Variants in MEI4 observed in about 807,000 individuals in gnomAD.
MEI4 encodes meiotic double-stranded break formation protein 4.
A neutral mutation model predicts 31.4 loss-of-function variants in MEI4; 27 were observed. That is an observed-to-expected ratio of 0.86 (90% CI 0.63 to 1.19). MEI4 has a LOEUF of 1.19. Among genes scored for constraint, MEI4 ranks in the 50% most tolerant of loss-of-function variants. The pLI, the probability that MEI4 is intolerant of heterozygous loss-of-function variation, is 0.00. For missense variants in MEI4, 329 were observed against 398.9 expected, an observed-to-expected ratio of 0.82 and a Z score of 1.49; for synonymous variants, 122 against 145.4, an observed-to-expected ratio of 0.84 and a Z score of 1.16.
rs570139063 is a variant in MEI4 at position 77,902,959 on chromosome 6, A to G, written c.901-20130A>G. Among the ~76,000 whole-genome samples the G allele has an allele frequency of 2.6e-5, 4 of 152,206 alleles. No homozygotes were observed. The East Asian group carries it at 5.8e-4, about 22-fold the overall frequency. On this transcript the variant is annotated intron_variant, in intron 4 of 4. Transcript: ENST00000684080. ...CGGATGCATGTGCTCAAATTTGGCA[A>G]ATAAACTTTCTAAATTAACTGAGAC...
chr6:77,883,723 T>TATATATATATATATATATAC (rs2127729511), intron 4 of MEI4, among the ~76,000 whole-genome samples: 2 of 138,474 alleles, frequency 1.4e-5, no homozygotes, highest in South Asian at 4.4e-4. Flanking sequence ...GTAAGATATA[T>TATATATATATATATATATAC]ATATATATAT....
chr6:77,851,799 C>G lies in MEI4; in HGVS notation c.900+22737C>G, dbSNP rs145427952. On this transcript the variant is annotated intron_variant, in intron 4 of 4. Transcript: ENST00000684080. ...AAGTATAATTAAAAAGAAAAAAAAG[C>G]AGGGATTTGAAAGGGGAGATCGTGA... 9.6e-3 allele frequency among the ~76,000 whole-genome samples: 1,463 copies of G among 151,846 alleles called. 24 individuals carry two copies. Among genetic ancestry groups the G allele is most frequent in the African/African-American group, 0.032 (1,341 of 41,440 alleles).
chr6:77,726,620 G>A (rs902997851), intron 2 of MEI4, among the ~76,000 whole-genome samples: 1 of 152,152 alleles, frequency 6.6e-6, no homozygotes, highest in African/African-American at 2.4e-5. Flanking sequence ...ACATTAAACA[G>A]AGGGGAGACA....
intron 3 of MEI4, among the ~76,000 whole-genome samples, chr6:77,781,792 G>A (rs1217311947): frequency 6.6e-6 from 1 of 152,176 alleles, no homozygotes; most frequent in Non-Finnish European, 1.5e-5. Flanking sequence ...AAACAGGACA[G>A]TTGCTGCCTT....
chr6:77,697,951 T>A (rs1766097754), intron 2 of MEI4, among the ~76,000 whole-genome samples: 1 of 152,230 alleles, frequency 6.6e-6, no homozygotes, highest in Non-Finnish European at 1.5e-5. Context: ...TGGGTGCTCC[T>A]GTATTGGGTT....
At chr6:77,893,828 T>C (rs999136972) in intron 4 of MEI4, among the ~76,000 whole-genome samples, 2 of 152,180 alleles carry the variant, frequency 1.3e-5, no homozygotes, top group African/African-American at 4.8e-5. Flanking sequence ...AGGAAGATTA[T>C]AAAAATAGTT....
chr6:77,883,715 A>G (rs9343685), intron 4 of MEI4, among the ~76,000 whole-genome samples: 16,113 of 65,048 alleles, frequency 0.25, 1,484 homozygotes, highest in East Asian at 0.57. Context: ...GCTATTATGT[A>G]AGATATATAT....
At chr6:77,730,028 G>T (rs1766932178) in intron 2 of MEI4, among the ~76,000 whole-genome samples, 1 of 152,096 alleles carries the variant, frequency 6.6e-6, no homozygotes, top group Admixed American at 6.6e-5. Context: ...TGAGGTCAAA[G>T]TAGTGTCTTC....
At chr6:77,778,175 G>A (rs1768505101) in intron 3 of MEI4, among the ~76,000 whole-genome samples, 1 of 149,606 alleles carries the variant, frequency 6.7e-6, no homozygotes, top group African/African-American at 2.5e-5. Flanking sequence ...GGGAAAGGGG[G>A]AGAGAGGGAG....
intron 2 of MEI4, among the ~76,000 whole-genome samples, chr6:77,744,631 ACTC>A (rs1234038968): frequency 6.6e-6 from 1 of 152,096 alleles, no homozygotes; most frequent in Non-Finnish European, 1.5e-5. Context: ...CCACAAAGAT[ACTC>A]CTGGAGAAGA....
intron 2 of MEI4, among the ~76,000 whole-genome samples, chr6:77,735,739 T>C (rs576602915): frequency 1.3e-5 from 2 of 152,082 alleles, no homozygotes; most frequent in Non-Finnish European, 2.9e-5. Flanking sequence ...GTTTTTCTGC[T>C]TTGTTTTTTC....
chr6:77,656,417 T>C (rs1768396121), intron 1 of MEI4, among the ~76,000 whole-genome samples: 1 of 152,144 alleles, frequency 6.6e-6, no homozygotes, highest in African/African-American at 2.4e-5. Context: ...TTATGATCCA[T>C]TCCTTTTTAT....
chr6:77,847,650 A>G lies in MEI4; in HGVS notation c.900+18588A>G, dbSNP rs1770520382. Among the ~76,000 whole-genome samples the G allele has an allele frequency of 6.6e-6, 1 of 152,272 alleles. No individual in the cohort carries two copies. The highest frequency in any genetic ancestry group is 6.5e-5 in the Admixed American group (1 of 15,278). ...CTAATCAGCATGGAAAGGAGCAGCC[A>G]TTTCTTTCCTACTCCGATCTTTGTA... On this transcript the variant is annotated intron_variant, in intron 4 of 4. Transcript: ENST00000684080. The surrounding 1 kb of genome is among the most constrained non-coding windows in gnomAD (Gnocchi z 4.6).
At chr6:77,883,947 T>G (rs183855452) in intron 4 of MEI4, among the ~76,000 whole-genome samples, 1 of 151,874 alleles carries the variant, frequency 6.6e-6, no homozygotes, top group African/African-American at 2.4e-5. Context: ...AAAACCTCCA[T>G]ACTGTTTTCC....
In MEI4 at chr6:77,730,380, T is replaced by C. The variant is rs150537684; in HGVS notation, c.233-30750T>C. The stretch of plus-strand genomic sequence containing the variant: ...TGTGATATTGACATCACAATATAAG[T>C]GTTCGCCTTCTCTCATCCTGACACT... On this transcript the variant is annotated intron_variant, in intron 2 of 4. Transcript: ENST00000684080. Among the ~76,000 whole-genome samples the C allele has an allele frequency of 2.2e-3, 329 of 152,226 alleles. 2 individuals carry two copies. The highest frequency in any genetic ancestry group is 5.2e-3 in the African/African-American group (215 of 41,550).
intron 3 of MEI4, among the ~76,000 whole-genome samples, chr6:77,799,633 T>C (rs1007454736): frequency 1.3e-4 from 20 of 152,146 alleles, no homozygotes; most frequent in Non-Finnish European, 1.8e-4. Context: ...TTAGGTCTAA[T>C]GTTCAAGTCT....
At chr6:77,700,611 C>G (rs1318752829) in intron 2 of MEI4, among the ~76,000 whole-genome samples, 2 of 152,192 alleles carry the variant, frequency 1.3e-5, no homozygotes, top group Non-Finnish European at 2.9e-5. Flanking sequence ...CCTGCACTGA[C>G]TGTCTGGCAC....
At chr6:77,827,391 C>A (rs1176503224) in intron 3 of MEI4, among the ~76,000 whole-genome samples, 2 of 142,662 alleles carry the variant, frequency 1.4e-5, no homozygotes, top group Admixed American at 1.4e-4. Context: ...AAAAAAGAAC[C>A]TACATAATTA....
intron 3 of MEI4, among the ~76,000 whole-genome samples, chr6:77,824,000 A>G (rs997276413): frequency 6.6e-6 from 1 of 152,208 alleles, no homozygotes; most frequent in Non-Finnish European, 1.5e-5. Flanking sequence ...AACACTTTTT[A>G]TGGATCCCCT....
Sources: gnomAD v4.1 joint callset for allele counts (sites outside exome capture counted in the v4.1 genomes callset) on GRCh38, gnomAD v4.1.1 for gene constraint, Gnocchi (gnomAD v3.1) non-coding constraint, MANE v1.5 for transcripts, NCBI Gene and HGNC (gene_info 2026-07-23, HGNC 2026-07-21) for gene names.